NCAN: variants seen among roughly 807,000 people sequenced by gnomAD.
NCAN encodes the protein neurocan.
Under a neutral mutation model 121.8 loss-of-function variants are expected in NCAN, and 47 were observed. The observed-to-expected ratio is 0.39, with a 90% CI of 0.31 to 0.49. The LOEUF (loss-of-function observed/expected upper bound fraction) is 0.49. NCAN is among the 20% of genes least tolerant of loss of function. The probability of loss-of-function intolerance (pLI) is 0.92; values close to 1 mark genes in which losing one functional copy is unlikely to be tolerated. For missense variants in NCAN, 1,517 were observed against 1,773.4 expected (o/e 0.86, Z 2.60); for synonymous variants, 633 against 702.0 (o/e 0.90, Z 1.55).
Position 19,227,557 on chromosome 19 carries a change from A to T in NCAN, c.1937A>T (p.His646Leu). 6.2e-7 allele frequency: 1 copy of T among 1,613,266 alleles called. No homozygotes were observed. The highest frequency in any genetic ancestry group is 1.1e-5 in the South Asian group (1 of 91,034). Residue 646 changes from histidine (H) to leucine (L), a missense_variant, in exon 8 of 15, where the codon CAC becomes CTC. Transcript: ENST00000252575. The surrounding 1 kb of genome is among the most constrained non-coding windows in gnomAD (Gnocchi z 4.2). ...GGTCCCAAAGAGTGGATGCTACCAC[A>T]CCCCACCCCCATCTCCACCGAGGCC... The part of the protein sequence containing the change: ...LRGPKEWMLP[H>L]PTPISTEANR...
Position 19,224,189 on chromosome 19 carries a change from C to G in NCAN, c.644C>G (p.Thr215Ser), listed in dbSNP as rs1201462177. Residue 215 changes from threonine (T) to serine (S), a missense_variant, in exon 4 of 15, where the codon ACT becomes AGT. Coordinates refer to ENST00000252575, the MANE Select transcript of NCAN (RefSeq NM_004386.3). Reference protein sequence around the residue: ...NCDAGWLSDRTVRYPITQSRP... With the variant: ...NCDAGWLSDRSVRYPITQSRP... ...GATGCTGGCTGGCTCTCTGACCGCA[C>G]TGTTCGGTGAGGGGGATACACAGGG... 6.3e-7 allele frequency: 1 copy of G among 1,590,210 alleles called. No homozygotes were observed. Among genetic ancestry groups the G allele is most frequent in the Non-Finnish European group, 8.6e-7 (1 of 1,162,974 alleles).
intron 8 of NCAN, among the ~76,000 whole-genome samples, chr19:19,230,919 G>A (rs1458008410): frequency 1.3e-5 from 2 of 149,686 alleles, no homozygotes; most frequent in African/African-American, 4.9e-5. Flanking sequence ...GTGTGTGTGT[G>A]TGTGTGTGTA....
chr19:19,240,132 T>G (rs1257098175), intron 11 of NCAN, among the ~76,000 whole-genome samples: 1 of 125,660 alleles, frequency 8.0e-6, no homozygotes, highest in East Asian at 2.8e-4. Context: ...TTCTTCCCAC[T>G]CCTGCCCCTC....
intron 11 of NCAN, among the ~76,000 whole-genome samples, chr19:19,239,925 T>C (rs1384037047): frequency 8.2e-6 from 1 of 122,334 alleles, no homozygotes; most frequent in African/African-American, 3.2e-5. Flanking sequence ...CTTCTCTCCT[T>C]CCTCCCTCCC....
chr19:19,243,489 C>T (rs2060911262), intron 12 of NCAN, among the ~76,000 whole-genome samples: 1 of 137,732 alleles, frequency 7.3e-6, no homozygotes, highest in Non-Finnish European at 1.5e-5. Context: ...GCACTCCAGC[C>T]TGGGCGACAG....
At chr19:19,216,264 T>G (rs2060795523) in intron 1 of NCAN, among the ~76,000 whole-genome samples, 1 of 151,960 alleles carries the variant, frequency 6.6e-6, no homozygotes, top group Non-Finnish European at 1.5e-5. Context: ...TCCTCCCACC[T>G]CAGCCTCCTG....
chr19:19,249,073 GTGTGTGTA>G (rs1237594816), intron 14 of NCAN, 191 bp downstream of exon 14: 5 of 535,854 alleles, frequency 9.3e-6, no homozygotes, highest in Non-Finnish European at 1.3e-5. Flanking sequence ...GTGTGTGTGT[GTGTGTGTA>G]TGTGTATGAG....
Position 19,215,827 on chromosome 19 carries a change from G to A in NCAN, c.-7-1120G>A, listed in dbSNP as rs559789768. 2.4e-4 allele frequency among the ~76,000 whole-genome samples: 36 copies of A among 152,338 alleles called. No homozygotes were observed. In the East Asian group the frequency reaches 3.1e-3, roughly 13 times the overall value. On this transcript the variant is annotated intron_variant, in intron 1 of 14. Coordinates refer to ENST00000252575, the MANE Select transcript of NCAN (RefSeq NM_004386.3). The stretch of plus-strand genomic sequence containing the variant: ...GACAGACTGCTGCCCTCTAGGAGCC[G>A]CCAGTCTGATGGAGGAGGCTGACTT...
intron 8 of NCAN, among the ~76,000 whole-genome samples, chr19:19,229,939 C>T (rs2060851958): frequency 6.6e-6 from 1 of 152,138 alleles, no homozygotes; most frequent in Non-Finnish European, 1.5e-5. Flanking sequence ...ATTAGCCAGG[C>T]TGCAGTGAGC....
chr19:19,235,463 G>A (rs971696384), intron 10 of NCAN, among the ~76,000 whole-genome samples: 1 of 150,694 alleles, frequency 6.6e-6, no homozygotes, highest in African/African-American at 2.4e-5. Flanking sequence ...GTAGAGATGG[G>A]GTTTTGCTAT....
intron 12 of NCAN, among the ~76,000 whole-genome samples, chr19:19,243,491 G>C (rs1266795966): frequency 6.9e-6 from 1 of 145,726 alleles, no homozygotes; most frequent in South Asian, 2.2e-4. Flanking sequence ...ACTCCAGCCT[G>C]GGCGACAGAG....
intron 13 of NCAN, among the ~76,000 whole-genome samples, chr19:19,246,559 A>C (rs1286425279): frequency 6.6e-6 from 1 of 151,956 alleles, no homozygotes; most frequent in Non-Finnish European, 1.5e-5. Flanking sequence ...TTTGAGATGG[A>C]GTCTCACTCT....
chr19:19,222,830 C>T (rs748367917), intron 3 of NCAN, among the ~76,000 whole-genome samples: 2 of 151,264 alleles, frequency 1.3e-5, no homozygotes, highest in Non-Finnish European at 2.9e-5. Context: ...ACATTTGGGC[C>T]GGGCGCGGTG....
At position 19,225,484 on chromosome 19, in the gene NCAN, C is replaced by T. The variant is rs2060833024; in HGVS notation, c.1072+214C>T. On this transcript the variant is annotated intron_variant, in intron 6 of 14. Coordinates refer to ENST00000252575, the MANE Select transcript of NCAN (RefSeq NM_004386.3). The surrounding 1 kb of genome is among the most constrained non-coding windows in gnomAD (Gnocchi z 4.0). ...CCGTCCTGGGTAAAGAACAGGGCTCCAGAGGAGGCCACTCTGGTGGGGAGT... is the reference window on the plus strand; with the variant it reads ...CCGTCCTGGGTAAAGAACAGGGCTCTAGAGGAGGCCACTCTGGTGGGGAGT... 6.6e-6 allele frequency among the ~76,000 whole-genome samples: 1 copy of T among 152,224 alleles called. No individual in the cohort carries two copies. The highest frequency in any genetic ancestry group is 1.5e-5 in the Non-Finnish European group (1 of 68,034).
chr19:19,230,395 A>AC (rs2060853661), intron 8 of NCAN, among the ~76,000 whole-genome samples: 4 of 100,266 alleles, frequency 4.0e-5, no homozygotes, highest in African/African-American at 1.2e-4. Flanking sequence ...CGCACCCCCC[A>AC]CCCCCAAATT....
At chr19:19,239,738 C>T (rs1282412517) in intron 11 of NCAN, among the ~76,000 whole-genome samples, 2 of 124,488 alleles carry the variant, frequency 1.6e-5, no homozygotes, top group Non-Finnish European at 3.4e-5. Flanking sequence ...CCCCAGGCCT[C>T]CTCCCTTCTA....
rs2146535831 is a variant in NCAN at position 19,216,960 on chromosome 19, G to A, written c.7G>A (p.Ala3Thr). 1 of 1,311,966 alleles carries A rather than the reference G, an allele frequency of 7.6e-7. No homozygotes were observed. The highest frequency in any genetic ancestry group is 2.8e-5 in the East Asian group (1 of 35,660). The allele number at this position is 1,311,966 out of a possible 1,614,324, so 81.3% of individuals were successfully genotyped here. ...ATTTTGTTCCAGATCCAGGATGGGG[G>A]CCCCGTTTGTCTGGGCCTTGGGCCT... is the stretch of plus-strand genomic sequence containing the variant. MG[A>T]PFVWALGLLM... The change falls in exon 2 of 15, where the codon GCC (alanine) becomes ACC (threonine). Residue 3 changes from alanine (A) to threonine (T), a missense_variant. By Grantham distance (58) the Ala-to-Thr change is moderately conservative. Transcript: ENST00000252575.
intron 1 of NCAN, among the ~76,000 whole-genome samples, chr19:19,214,901 C>G (rs2060790906): frequency 6.6e-6 from 1 of 152,148 alleles, no homozygotes; most frequent in Admixed American, 6.5e-5. Context: ...CACACTTGCT[C>G]AGGGTTCCAA....
Position 19,227,605 on chromosome 19 carries a change from A to G in NCAN, c.1985A>G (p.Glu662Gly). ...GCCAATAGAGTTGAGGCACATGGTG[A>G]GGCCACCGCCACGGCTCCACCCTCC... ...TEANRVEAHGEATATAPPSPA... is the reference protein window; with the variant it reads ...TEANRVEAHGGATATAPPSPA... The change falls in exon 8 of 15, where the codon GAG (glutamate) becomes GGG (glycine). Residue 662 changes from glutamate (E) to glycine (G), a missense_variant. By Grantham distance (98) the Glu-to-Gly change is moderately conservative. Coordinates refer to ENST00000252575, the MANE Select transcript of NCAN (RefSeq NM_004386.3). The surrounding 1 kb of genome is among the most constrained non-coding windows in gnomAD (Gnocchi z 4.2). 2.5e-6 allele frequency: 4 copies of G among 1,613,812 alleles called. No individual in the cohort carries two copies. The highest frequency in any genetic ancestry group is 3.4e-6 in the Non-Finnish European group (4 of 1,180,000).
Sources: gnomAD v4.1 joint callset for allele counts (sites outside exome capture counted in the v4.1 genomes callset) on GRCh38, gnomAD v4.1.1 for gene constraint, Gnocchi (gnomAD v3.1) non-coding constraint, MANE v1.5 for transcripts, NCBI Gene and HGNC (gene_info 2026-07-23, HGNC 2026-07-21) for gene names.